Variants in SVOP observed in about 807,000 individuals in gnomAD.
The protein encoded by SVOP is SV2 related protein.
Under a neutral mutation model 69.1 loss-of-function variants are expected in SVOP, and 17 were observed. The observed-to-expected ratio is 0.25, with a 90% CI of 0.17 to 0.37. SVOP has a LOEUF of 0.37. SVOP is among the 10% of genes least tolerant of loss of function. SVOP has a pLI of 1.00. For synonymous variants in SVOP, 238 were observed against 238.6 expected (o/e 1.00, Z 0.02); for missense variants, 435 against 597.5 (o/e 0.73, Z 2.84).
At chr12:108,912,830 C>A in intron 15 of SVOP, 89 bp from the exon 16 acceptor site, 1 of 1,298,496 alleles carries the variant, frequency 7.7e-7, no homozygotes, top group Non-Finnish European at 1.1e-6. Flanking sequence ...ACATCAGGCC[C>A]TCTCGTGATA....
At chr12:109,012,224 A>C (rs1405732510) in intron 1 of SVOP, among the ~76,000 whole-genome samples, 1 of 152,090 alleles carries the variant, frequency 6.6e-6, no homozygotes, top group East Asian at 1.9e-4. Flanking sequence ...TGGAGGTTGC[A>C]GTGAGCCAAG....
chr12:108,932,699 C>T (rs528359974), intron 11 of SVOP, among the ~76,000 whole-genome samples: 3 of 152,030 alleles, frequency 2.0e-5, no homozygotes, highest in South Asian at 2.1e-4. Flanking sequence ...CTTATACCCC[C>T]TCCCTCTTGG....
intron 5 of SVOP, among the ~76,000 whole-genome samples, chr12:108,966,572 T>C (rs140823681): frequency 0.021 from 3,194 of 151,964 alleles, 45 homozygotes; most frequent in Middle Eastern, 0.044. Context: ...TGGGGGAATT[T>C]TGGGGAAGCT....
intron 11 of SVOP, among the ~76,000 whole-genome samples, chr12:108,928,317 C>T (rs138883149): frequency 9.3e-4 from 142 of 152,042 alleles, no homozygotes; most frequent in African/African-American, 3.2e-3. Context: ...TGACAAGATA[C>T]TGCTGAATCA....
intron 10 of SVOP, among the ~76,000 whole-genome samples, chr12:108,936,770 C>A (rs1434875567): frequency 1.3e-5 from 2 of 152,170 alleles, no homozygotes; most frequent in Non-Finnish European, 2.9e-5. Context: ...AGCCACCATG[C>A]CCAGCCAGCC....
chr12:108,958,088 T>A (rs2039995226), intron 6 of SVOP, among the ~76,000 whole-genome samples: 1 of 152,226 alleles, frequency 6.6e-6, no homozygotes, highest in African/African-American at 2.4e-5. Flanking sequence ...TTAACTTATT[T>A]ATTTTGCAAT....
rs763591746 is a variant in SVOP, at chr12:108,922,681, G to A, written c.1156+9C>T. On this transcript the variant is annotated intron_variant, in intron 12 of 15. Transcript: ENST00000610966. The stretch of plus-strand genomic sequence containing the variant: ...CCTGACACAGCTTCACCTTGCACAG[G>A]TCCCTCACCTGGAAACTCAGAGAGG... 9.4e-6 allele frequency: 15 copies of A among 1,590,946 alleles called. No homozygotes were observed. The highest frequency in any genetic ancestry group is 1.7e-4 in the Middle Eastern group (1 of 6,026).
At chr12:108,928,492 A>G (rs1231537606) in intron 11 of SVOP, among the ~76,000 whole-genome samples, 2 of 152,066 alleles carry the variant, frequency 1.3e-5, no homozygotes, top group Non-Finnish European at 2.9e-5. Context: ...GAGAAACAGC[A>G]TGTGGAGAAG....
chr12:108,996,603 G>A (rs1040709318), intron 1 of SVOP, among the ~76,000 whole-genome samples: 1 of 151,976 alleles, frequency 6.6e-6, no homozygotes, highest in South Asian at 2.1e-4. Flanking sequence ...TTCTGAACCA[G>A]AGGCCCCAGC....
Position 108,922,808 on chromosome 12 carries a change from G to A in SVOP, c.1049-11C>T. ...TCTTCCGACTGGAGACTGGGGTTGG[G>A]AGAGAGAAAGAGAGGGGGAGACATA... On this transcript the variant is annotated splice_polypyrimidine_tract_variant and intron_variant, in intron 11 of 15. Transcript: ENST00000610966. 1.3e-6 allele frequency: 2 copies of A among 1,569,264 alleles called. No homozygotes were observed. The highest frequency in any genetic ancestry group is 8.7e-7 in the Non-Finnish European group (1 of 1,149,804).
chr12:108,969,715 T>TTTCC (rs890646300), intron 5 of SVOP, among the ~76,000 whole-genome samples: 3 of 35,848 alleles, frequency 8.4e-5, no homozygotes, highest in Non-Finnish European at 1.4e-4. Context: ...CCTCCTTTTT[T>TTTCC]TTCCTTCCTT....
intron 11 of SVOP, among the ~76,000 whole-genome samples, chr12:108,929,261 A>G (rs1404076463): frequency 1.3e-5 from 2 of 152,236 alleles, no homozygotes; most frequent in Non-Finnish European, 2.9e-5. Flanking sequence ...CCTCCCCTAT[A>G]CTTGCCTTCA....
chr12:108,927,036 G>T (rs2039784499), intron 11 of SVOP, among the ~76,000 whole-genome samples: 2 of 152,220 alleles, frequency 1.3e-5, no homozygotes, highest in South Asian at 4.1e-4. Flanking sequence ...GGACAGGCAT[G>T]CTTACTGTCT....
chr12:109,010,958 G>A (rs1284017563), intron 1 of SVOP, among the ~76,000 whole-genome samples: 1 of 151,862 alleles, frequency 6.6e-6, no homozygotes, highest in Non-Finnish European at 1.5e-5. Context: ...CTGTCATCCA[G>A]GCTGGAGTGC....
At chr12:108,951,978 C>G (rs1392762855) in intron 6 of SVOP, among the ~76,000 whole-genome samples, 1 of 152,148 alleles carries the variant, frequency 6.6e-6, no homozygotes. Context: ...CAAGTATAGG[C>G]CTCAAGAAGG....
In SVOP at chr12:108,918,070, A is replaced by G; in HGVS notation, c.1323T>C (p.Phe441=). ...CAGGTGTGTAAACATATGCCGCTTG[A>G]AAGCCTCCAGAAATAAACGCTCTTG... is the stretch of plus-strand genomic sequence containing the variant. The part of the protein sequence containing the change: ...FIARAFISGG[F]QAAYVYTPEV... Residue 441 remains phenylalanine, a synonymous_variant, in exon 14 of 16, where the codon TTT becomes TTC. Coordinates refer to ENST00000610966, the MANE Select transcript of SVOP (RefSeq NM_018711.5). The G allele has an allele frequency of 6.3e-7, 1 of 1,583,996 alleles. No homozygotes were observed. Among genetic ancestry groups the G allele is most frequent in the South Asian group, 1.2e-5 (1 of 85,988 alleles).
At chr12:109,014,018 C>CTTTT (rs377526459) in intron 1 of SVOP, among the ~76,000 whole-genome samples, 3 of 137,656 alleles carry the variant, frequency 2.2e-5, no homozygotes, top group African/African-American at 5.4e-5. Context: ...AATTTCCTTC[C>CTTTT]TTTTTTTTTT....
At chr12:108,961,215 G>T (rs2040016267) in intron 5 of SVOP, among the ~76,000 whole-genome samples, 168 bp from the exon 6 acceptor site, 2 of 152,250 alleles carry the variant, frequency 1.3e-5, no homozygotes, top group Non-Finnish European at 2.9e-5. Context: ...GGGGTTGGGT[G>T]AGAAAATCAT....
chr12:108,918,884 C>A (rs1159023448), intron 13 of SVOP, among the ~76,000 whole-genome samples: 1 of 152,146 alleles, frequency 6.6e-6, no homozygotes, highest in South Asian at 2.1e-4. Context: ...CTGACTACAA[C>A]CCCCATCAGA....
Sources: allele counts gnomAD v4.1 joint callset (sites outside exome capture counted in the v4.1 genomes callset), GRCh38; gene constraint gnomAD v4.1.1; transcripts MANE v1.5; gene names NCBI Gene and HGNC (gene_info 2026-07-23, HGNC 2026-07-21).